Variants in GALM observed in about 807,000 individuals in gnomAD.
The protein encoded by GALM is galactose mutarotase.
Under a neutral mutation model 37.4 loss-of-function variants are expected in GALM, and 43 were observed. That is an observed-to-expected ratio of 1.15 (90% CI 0.90 to 1.48). The LOEUF (loss-of-function observed/expected upper bound fraction) is 1.48. GALM is among the 40% of genes most tolerant of loss of function. The pLI, the probability that GALM is intolerant of heterozygous loss-of-function variation, is 0.00. For missense variants in GALM, 456 were observed against 419.1 expected (o/e 1.09, Z -0.77); for synonymous variants, 199 against 170.6 (o/e 1.17, Z -1.30).
intron 4 of GALM, among the ~76,000 whole-genome samples, chr2:38,727,801 G>C (rs1666517880): frequency 6.6e-6 from 1 of 151,558 alleles, no homozygotes; most frequent in South Asian, 2.1e-4. Flanking sequence ...TGTTCTCTCA[G>C]CATTTAGGAA....
intron 4 of GALM, among the ~76,000 whole-genome samples, chr2:38,712,784 T>C (rs1194102465): frequency 1.3e-5 from 2 of 152,180 alleles, no homozygotes; most frequent in African/African-American, 2.4e-5. Context: ...GAGCGGAGGC[T>C]GGGGCTGGCC....
intron 6 of GALM, among the ~76,000 whole-genome samples, 167 bp downstream of exon 6, chr2:38,732,076 A>C (rs1304749666): frequency 6.6e-6 from 1 of 152,156 alleles, no homozygotes; most frequent in African/African-American, 2.4e-5. Context: ...GCTGTAGTGC[A>C]GTGGCACGAT....
chr2:38,731,840 T>A lies in GALM; in HGVS notation c.882T>A (p.Asn294Lys). The A allele has an allele frequency of 6.2e-7, 1 of 1,614,122 alleles. No homozygotes were observed. The highest frequency in any genetic ancestry group is 8.5e-7 in the Non-Finnish European group (1 of 1,179,984). The change falls in exon 6 of 7, where the codon AAT (asparagine) becomes AAA (lysine). Residue 294 changes from asparagine to lysine, a missense_variant. Physicochemically the swap from Asn to Lys is moderately conservative, Grantham distance 94. Coordinates refer to ENST00000272252, the MANE Select transcript of GALM (RefSeq NM_138801.3). The stretch of plus-strand genomic sequence containing the variant: ...TGGATGGCACATTAAAGGGCAAGAA[T>A]GGAGCTGTCTATCCCAAGCACTCCG... Reference protein sequence around the residue: ...NFLDGTLKGKNGAVYPKHSGF... With the variant: ...NFLDGTLKGKKGAVYPKHSGF...
intron 1 of GALM, among the ~76,000 whole-genome samples, chr2:38,666,569 A>G (rs1216818914): frequency 1.3e-5 from 2 of 152,240 alleles, no homozygotes; most frequent in Non-Finnish European, 2.9e-5. Flanking sequence ...GCCTCTGGTT[A>G]TCCGTTCAGG....
chr2:38,689,280 G>A (rs1572520991), intron 3 of GALM, among the ~76,000 whole-genome samples: 1 of 152,318 alleles, frequency 6.6e-6, no homozygotes, highest in East Asian at 1.9e-4. Flanking sequence ...CATCTTCATG[G>A]AGGAGGTGGG....
At chr2:38,697,571 A>G (rs964788000) in intron 4 of GALM, among the ~76,000 whole-genome samples, 9 of 152,180 alleles carry the variant, frequency 5.9e-5, no homozygotes, top group African/African-American at 1.9e-4. Context: ...CTCGGTAAAT[A>G]ATTTTTCAGG....
chr2:38,667,380 C>A (rs1664972994), intron 1 of GALM, among the ~76,000 whole-genome samples: 1 of 145,902 alleles, frequency 6.9e-6, no homozygotes. Flanking sequence ...CCAGCCTGGC[C>A]AGCATGGTGA....
chr2:38,670,463 G>A (rs866463431), intron 1 of GALM, among the ~76,000 whole-genome samples: 11 of 152,218 alleles, frequency 7.2e-5, no homozygotes, highest in African/African-American at 4.8e-5. Flanking sequence ...TGTCGCTCAC[G>A]CCCAGGAGCA....
chr2:38,731,396 CAA>C (rs66613702), intron 5 of GALM, among the ~76,000 whole-genome samples: 7,451 of 121,184 alleles, frequency 0.061, 487 homozygotes, highest in African/African-American at 0.19. Flanking sequence ...GACTCTATTT[CAA>C]AAAAAAAAAA....
At chr2:38,672,783 G>C (rs1225197971) in intron 1 of GALM, among the ~76,000 whole-genome samples, 1 of 151,934 alleles carries the variant, frequency 6.6e-6, no homozygotes, top group Non-Finnish European at 1.5e-5. Context: ...AAGGCAGGTG[G>C]ATCACCTGAG....
chr2:38,667,033 G>T (rs1157156406), intron 1 of GALM, among the ~76,000 whole-genome samples: 1 of 152,160 alleles, frequency 6.6e-6, no homozygotes, highest in African/African-American at 2.4e-5. Context: ...CATTAAACAG[G>T]ACAGACAAGG....
intron 3 of GALM, among the ~76,000 whole-genome samples, chr2:38,687,712 GA>G (rs79038557): frequency 1.5e-3 from 204 of 132,692 alleles, no homozygotes; most frequent in Middle Eastern, 4.0e-3. Flanking sequence ...CTCTGCCTCC[GA>G]AAAAAAAAAA....
chr2:38,711,426 G>A (rs894152023), intron 4 of GALM, among the ~76,000 whole-genome samples: 2 of 151,950 alleles, frequency 1.3e-5, no homozygotes, highest in African/African-American at 4.8e-5. Flanking sequence ...TTCCCAAATT[G>A]CCTGGATTAC....
intron 6 of GALM, among the ~76,000 whole-genome samples, chr2:38,732,310 G>A (rs1228000203): frequency 1.3e-5 from 2 of 152,104 alleles, no homozygotes; most frequent in Non-Finnish European, 2.9e-5. Context: ...CACCTGCCTT[G>A]GCCTCCCAAA....
rs117256290 is a variant in GALM, at chr2:38,708,601, T to G, written c.634+18707T>G. On this transcript the variant is annotated intron_variant, in intron 4 of 6. Coordinates refer to ENST00000272252, the MANE Select transcript of GALM (RefSeq NM_138801.3). ...CTAAAAATATGAAAAATTAGCCAGG[T>G]ATGGTGGCGGGCGCCTGTAGTCCCA... 4.8e-3 allele frequency among the ~76,000 whole-genome samples: 722 copies of G among 151,614 alleles called. 23 individuals are homozygous for G. The East Asian group carries it at 0.066, about 14-fold the overall frequency.
At chr2:38,671,119 T>G (rs1457770706) in intron 1 of GALM, among the ~76,000 whole-genome samples, 1 of 152,228 alleles carries the variant, frequency 6.6e-6, no homozygotes, top group Non-Finnish European at 1.5e-5. Context: ...GCTCAGCAAT[T>G]GACTTGGTTA....
intron 4 of GALM, among the ~76,000 whole-genome samples, chr2:38,722,436 A>G (rs1666404111): frequency 6.6e-6 from 1 of 152,196 alleles, no homozygotes; most frequent in African/African-American, 2.4e-5. Flanking sequence ...TCTGGCCCAG[A>G]GCTGTAACCC....
chr2:38,686,249 T>TTTCTTTCTTTCTTTC (rs1558582080), intron 3 of GALM, among the ~76,000 whole-genome samples: 14 of 120,888 alleles, frequency 1.2e-4, no homozygotes, highest in African/African-American at 6.0e-4. Context: ...TCTTTCTTTC[T>TTTCTTTCTTTCTTTC]TTCTTTCTTT....
At chr2:38,716,956 A>T (rs1180322818) in intron 4 of GALM, among the ~76,000 whole-genome samples, 4 of 152,176 alleles carry the variant, frequency 2.6e-5, no homozygotes, top group Non-Finnish European at 5.9e-5. Flanking sequence ...TGCATGAAAG[A>T]TTTACGCTAT....
Sources: allele counts gnomAD v4.1 joint callset (sites outside exome capture counted in the v4.1 genomes callset), GRCh38; gene constraint gnomAD v4.1.1; transcripts MANE v1.5; gene names NCBI Gene and HGNC (gene_info 2026-07-23, HGNC 2026-07-21).